Variants in ABCG2 observed in about 807,000 individuals in gnomAD.
The protein encoded by ABCG2 is broad substrate specificity ATP-binding cassette transporter ABCG2.
A neutral mutation model predicts 73.5 loss-of-function variants in ABCG2; 80 were observed. The ratio of observed to expected loss-of-function variants is 1.09; its 90% CI spans 0.91 to 1.31. The LOEUF is 1.31. Ranked by LOEUF, ABCG2 falls within the 50% of genes most tolerant of loss-of-function variation. The pLI is 0.00. For synonymous variants in ABCG2, 269 were observed against 282.4 expected, an observed-to-expected ratio of 0.95 and a Z score of 0.48; for missense variants, 796 against 786.2, an observed-to-expected ratio of 1.01 and a Z score of -0.15.
At chr4:88,175,963 A>G (rs1395994587) in intron 1 of ABCG2, among the ~76,000 whole-genome samples, 3 of 152,180 alleles carry the variant, frequency 2.0e-5, no homozygotes, top group Non-Finnish European at 1.5e-5. Flanking sequence ...GACATTTGCT[A>G]TGTTATTCAT....
intron 2 of ABCG2, among the ~76,000 whole-genome samples, chr4:88,138,529 T>G (rs954874640): frequency 6.6e-6 from 1 of 152,208 alleles, no homozygotes; most frequent in Non-Finnish European, 1.5e-5. Flanking sequence ...TAGATGACTA[T>G]CTGAATGGTG....
intron 10 of ABCG2, 75 bp downstream of exon 10, chr4:88,107,109 A>C: frequency 8.7e-7 from 1 of 1,145,256 alleles, no homozygotes; most frequent in Non-Finnish European, 1.3e-6. Context: ...TCTTAAATTC[A>C]AATTCTTAAT....
At chr4:88,145,368 T>C (rs1030033500) in intron 1 of ABCG2, among the ~76,000 whole-genome samples, 5 of 152,236 alleles carry the variant, frequency 3.3e-5, no homozygotes, top group African/African-American at 1.2e-4. Flanking sequence ...GGTTGATCCA[T>C]GGGCTTTCAT....
intron 2 of ABCG2, among the ~76,000 whole-genome samples, chr4:88,135,350 C>T (rs1419398447): frequency 6.6e-6 from 1 of 152,240 alleles, no homozygotes. Context: ...CCATGACATA[C>T]AGCACAGTTG....
chr4:88,094,855 T>C (rs1721880267), intron 14 of ABCG2, among the ~76,000 whole-genome samples, 196 bp from the exon 15 acceptor site: 1 of 152,222 alleles, frequency 6.6e-6, no homozygotes, highest in Non-Finnish European at 1.5e-5. Context: ...GATTTTGGCT[T>C]CCAATACAAA....
intron 5 of ABCG2, among the ~76,000 whole-genome samples, chr4:88,129,355 T>G (rs1724676683): frequency 6.6e-6 from 1 of 152,202 alleles, no homozygotes; most frequent in Non-Finnish European, 1.5e-5. Flanking sequence ...TCTGTTATGT[T>G]TAAAATTTCA....
chr4:88,219,521 T>C (rs1729931171), intron 1 of ABCG2, among the ~76,000 whole-genome samples: 1 of 152,086 alleles, frequency 6.6e-6, no homozygotes, highest in Non-Finnish European at 1.5e-5. Flanking sequence ...GGTAGAGTTG[T>C]TTTATTTTCT....
Position 88,158,638 on chromosome 4 carries a change from C to G in ABCG2, c.-272G>C. The G allele has an allele frequency of 2.2e-6, 1 of 456,300 alleles. No homozygotes were observed. The highest frequency in any genetic ancestry group is 4.4e-6 in the Non-Finnish European group (1 of 226,956). 28.3% of individuals were successfully genotyped at this position (456,300 alleles called of 1,614,324 possible). Reference sequence around the variant, plus strand: ...TCAATCTCAGTGGGAGTGGCGGGCACTGCCTCTTCCCTCCTGCGCGCCCGG... The same window carrying G: ...TCAATCTCAGTGGGAGTGGCGGGCAGTGCCTCTTCCCTCCTGCGCGCCCGG... On this transcript the variant is annotated 5_prime_UTR_variant, in exon 1 of 16. Coordinates refer to ENST00000237612, the MANE Select transcript of ABCG2 (RefSeq NM_004827.3).
chr4:88,211,104 TA>T (rs931656608), intron 1 of ABCG2, among the ~76,000 whole-genome samples: 4 of 149,704 alleles, frequency 2.7e-5, no homozygotes, highest in Admixed American at 6.6e-5. Context: ...AATTAAAAAA[TA>T]AAAAAAATAT....
chr4:88,217,747 C>T (rs1026848708), intron 1 of ABCG2, among the ~76,000 whole-genome samples: 3 of 151,910 alleles, frequency 2.0e-5, no homozygotes, highest in Non-Finnish European at 4.4e-5. Flanking sequence ...GGTGAGGCAG[C>T]GGGGTCTCTT....
intron 1 of ABCG2, among the ~76,000 whole-genome samples, chr4:88,145,105 C>T (rs561814457): frequency 1.3e-5 from 2 of 150,756 alleles, no homozygotes; most frequent in African/African-American, 4.9e-5. Context: ...TTTTTTTTTC[C>T]TAGGATGACG....
intron 1 of ABCG2, among the ~76,000 whole-genome samples, chr4:88,199,865 G>C (rs1330174213): frequency 6.6e-6 from 1 of 151,962 alleles, no homozygotes; most frequent in Non-Finnish European, 1.5e-5. Context: ...GCCGGGCGTG[G>C]TCGTGGGTGC....
chr4:88,177,253 G>A (rs902394340), intron 1 of ABCG2, among the ~76,000 whole-genome samples: 84 of 152,000 alleles, frequency 5.5e-4, no homozygotes, highest in African/African-American at 1.5e-3. Context: ...AGGCGCCTGT[G>A]GTCCCAGCTA....
chr4:88,130,042 T>A (rs1353408192), intron 5 of ABCG2, among the ~76,000 whole-genome samples: 2 of 152,044 alleles, frequency 1.3e-5, no homozygotes, highest in Non-Finnish European at 2.9e-5. Context: ...AGAAAGGCTA[T>A]TAAAAAAAAC....
Position 88,132,637 on chromosome 4 carries a change from T to G in ABCG2, c.204-2A>C. The G allele has an allele frequency of 6.2e-7, 1 of 1,614,176 alleles. No homozygotes were observed. Among genetic ancestry groups the G allele is most frequent in the African/African-American group, 1.3e-5 (1 of 75,060 alleles). On this transcript the variant is annotated splice_acceptor_variant, in intron 2 of 15. Coordinates refer to ENST00000237612, the MANE Select transcript of ABCG2 (RefSeq NM_004827.3). LOFTEE classifies it high-confidence loss of function. Reference sequence around the variant, plus strand: ...TTGAGACCAGGTTTCATGATCCCACTGTAAACACAAAAACAGACTGATTTA... The same window carrying G: ...TTGAGACCAGGTTTCATGATCCCACGGTAAACACAAAAACAGACTGATTTA...
At chr4:88,227,268 G>A (rs1240381974) in intron 1 of ABCG2, among the ~76,000 whole-genome samples, 1 of 151,940 alleles carries the variant, frequency 6.6e-6, no homozygotes, top group Admixed American at 6.6e-5. Flanking sequence ...CTGGTGGCAG[G>A]CACCTGTAAT....
chr4:88,227,578 G>A lies in ABCG2; in HGVS notation c.-20+3416C>T, dbSNP rs372426802. On this transcript the variant is annotated intron_variant, in intron 1 of 15. Transcript: ENST00000515655. The stretch of plus-strand genomic sequence containing the variant: ...AGCTTATTAGAATGCCAATTCCCAC[G>A]CCTGGGGCCTGACCTAGGGAAGCAG... Among the ~76,000 whole-genome samples, 4 of 152,182 alleles carry A rather than the reference G, an allele frequency of 2.6e-5. No individual in the cohort carries two copies. The South Asian group carries it at 6.2e-4, about 24-fold the overall frequency.
chr4:88,194,634 G>T (rs905821782), intron 1 of ABCG2, among the ~76,000 whole-genome samples: 1 of 148,580 alleles, frequency 6.7e-6, no homozygotes, highest in South Asian at 2.1e-4. Flanking sequence ...TGGAGTGACT[G>T]CTTCTATATT....
chr4:88,166,380 T>G (rs1037047917), intron 1 of ABCG2, among the ~76,000 whole-genome samples: 1 of 152,202 alleles, frequency 6.6e-6, no homozygotes. Flanking sequence ...CATAGAACCC[T>G]TTCTCTCCTC....
Sources: allele counts gnomAD v4.1 joint callset (sites outside exome capture counted in the v4.1 genomes callset), GRCh38; gene constraint gnomAD v4.1.1; transcripts MANE v1.5; gene names NCBI Gene and HGNC (gene_info 2026-07-23, HGNC 2026-07-21).